SNX29: variants seen among roughly 807,000 people sequenced by gnomAD.
SNX29 encodes sorting nexin 29.
A neutral mutation model predicts 102.1 loss-of-function variants in SNX29; 78 were observed. That is an observed-to-expected ratio of 0.76 (90% CI 0.64 to 0.92). The LOEUF (loss-of-function observed/expected upper bound fraction) is 0.92, where lower values mean the gene tolerates loss of function less well. SNX29 is among the 40% of genes least tolerant of loss of function. The pLI is 0.00. For missense variants in SNX29, 1,280 were observed against 1,061.7 expected, an observed-to-expected ratio of 1.21 and a Z score of -2.86; for synonymous variants, 580 against 414.5, an observed-to-expected ratio of 1.40 and a Z score of -4.85.
chr16:12,371,203 A>G (rs778467796), intron 16 of SNX29, among the ~76,000 whole-genome samples: 2 of 152,158 alleles, frequency 1.3e-5, no homozygotes, highest in Non-Finnish European at 2.9e-5. Context: ...ATAAAGTTGG[A>G]AGAACTTCAA....
At chr16:12,349,700 G>A (rs2081940405) in intron 15 of SNX29, among the ~76,000 whole-genome samples, 1 of 152,260 alleles carries the variant, frequency 6.6e-6, no homozygotes, top group Admixed American at 6.5e-5. Context: ...AGAATGACAG[G>A]CGTTGATAGC....
intron 11 of SNX29, among the ~76,000 whole-genome samples, chr16:12,082,842 T>C (rs1296425030): frequency 6.6e-6 from 1 of 152,080 alleles, no homozygotes; most frequent in Non-Finnish European, 1.5e-5. Context: ...TCAGGAATCC[T>C]AGAAATTTTG....
In SNX29 at chr16:12,050,411, GT is replaced by G. The variant is rs547698841; in HGVS notation, c.749-1435del. On this transcript the variant is annotated intron_variant, in intron 7 of 20. Coordinates refer to ENST00000566228, the MANE Select transcript of SNX29 (RefSeq NM_032167.5). ...GCTATATAACAAGTGATTTAAAAAT[GT>G]AGCGGCTTAAAACCACTGCAGTTCG... Among the ~76,000 whole-genome samples, 97 of 152,328 alleles carry G rather than the reference GT, an allele frequency of 6.4e-4. 1 individual carries two copies. The highest frequency in any genetic ancestry group is 1.1e-3 in the Non-Finnish European group (72 of 68,022).
chr16:12,010,160 C>T (rs958085128), intron 3 of SNX29, among the ~76,000 whole-genome samples: 1 of 152,172 alleles, frequency 6.6e-6, no homozygotes, highest in Non-Finnish European at 1.5e-5. Flanking sequence ...AAAACATTGC[C>T]TGGCAGGTAG....
At chr16:12,111,961 G>A (rs912883351) in intron 11 of SNX29, among the ~76,000 whole-genome samples, 1 of 152,148 alleles carries the variant, frequency 6.6e-6, no homozygotes, top group African/African-American at 2.4e-5. Context: ...CTTCATTCCG[G>A]AGCAGGGCGT....
chr16:12,135,849 C>T (rs779365029), intron 13 of SNX29: 11 of 344,020 alleles, frequency 3.2e-5, no homozygotes, highest in Non-Finnish European at 2.2e-5. Context: ...CCTAAGTAGA[C>T]ATGTCATCTC....
intron 20 of SNX29, among the ~76,000 whole-genome samples, chr16:12,542,010 C>T (rs2077363817): frequency 6.6e-6 from 1 of 152,204 alleles, no homozygotes; most frequent in African/African-American, 2.4e-5. Context: ...CTCACGTTTG[C>T]AGCACCGCTC....
chr16:12,479,461 G>A (rs370809832), intron 19 of SNX29, among the ~76,000 whole-genome samples: 1 of 152,126 alleles, frequency 6.6e-6, no homozygotes, highest in Admixed American at 6.5e-5. Flanking sequence ...ATCACGCCAA[G>A]GTCTGCTCGA....
chr16:12,530,553 T>G lies in SNX29; in HGVS notation c.2318+5712T>G, dbSNP rs568497037. Among the ~76,000 whole-genome samples, 85 of 151,394 alleles carry G rather than the reference T, an allele frequency of 5.6e-4. 1 individual carries two copies. The South Asian group carries it at 0.016, about 28-fold the overall frequency. On this transcript the variant is annotated intron_variant, in intron 20 of 20. Transcript: ENST00000566228. Reference sequence around the variant, plus strand: ...GAAATTTGCCTTCGTTTTTTTTTTTTGTTTTTTGTTTTTTTTGGTGGGGAA... The same window carrying G: ...GAAATTTGCCTTCGTTTTTTTTTTTGGTTTTTTGTTTTTTTTGGTGGGGAA...
At chr16:12,105,695 G>A (rs1398354234) in intron 11 of SNX29, among the ~76,000 whole-genome samples, 1 of 152,188 alleles carries the variant, frequency 6.6e-6, no homozygotes, top group African/African-American at 2.4e-5. Context: ...ACAATGCTGT[G>A]TTTCCAGGGT....
intron 18 of SNX29, among the ~76,000 whole-genome samples, chr16:12,456,506 CGT>C (rs3072479): frequency 0.018 from 2,733 of 148,282 alleles, 68 homozygotes; most frequent in African/African-American, 0.056. Context: ...CATGTGTGCA[CGT>C]GTGTGTGTGT....
At chr16:12,127,231 C>G (rs2054252700) in intron 12 of SNX29, among the ~76,000 whole-genome samples, 2 of 150,182 alleles carry the variant, frequency 1.3e-5, no homozygotes, top group Non-Finnish European at 3.0e-5. Context: ...TGCACTCCAG[C>G]CTGGGTGACA....
intron 11 of SNX29, among the ~76,000 whole-genome samples, chr16:12,099,063 A>G (rs552127089): frequency 3.9e-4 from 59 of 152,346 alleles, no homozygotes; most frequent in African/African-American, 1.3e-3. Flanking sequence ...GCTCCCCTCC[A>G]GCACAGAGCA....
chr16:12,192,667 G>A (rs183591134), intron 13 of SNX29, among the ~76,000 whole-genome samples: 135 of 151,944 alleles, frequency 8.9e-4, no homozygotes, highest in African/African-American at 3.1e-3. Context: ...ACATGTCACC[G>A]TGTCCAGCTA....
At chr16:12,102,562 C>T (rs949602707) in intron 11 of SNX29, among the ~76,000 whole-genome samples, 1 of 152,122 alleles carries the variant, frequency 6.6e-6, no homozygotes, top group African/African-American at 2.4e-5. Flanking sequence ...ACATAAATGT[C>T]TTCTTTGGAG....
In SNX29 at chr16:12,502,913, C is replaced by A. The variant is rs559452425; in HGVS notation, c.2179-21789C>A. Among the ~76,000 whole-genome samples the A allele has an allele frequency of 2.6e-4, 40 of 152,338 alleles. No individual in the cohort carries two copies. The South Asian group carries it at 7.9e-3, about 30-fold the overall frequency. On this transcript the variant is annotated intron_variant, in intron 19 of 20. Coordinates refer to ENST00000566228, the MANE Select transcript of SNX29 (RefSeq NM_032167.5). ...GGAGCGATTAGAGCTGCCAGTAGATCTTGTTATTGAATGTGCCTGCAAAGA... is the reference window on the plus strand; with the variant it reads ...GGAGCGATTAGAGCTGCCAGTAGATATTGTTATTGAATGTGCCTGCAAAGA...
chr16:12,253,234 T>A (rs970124366), intron 14 of SNX29, among the ~76,000 whole-genome samples: 5 of 152,292 alleles, frequency 3.3e-5, no homozygotes, highest in African/African-American at 9.6e-5. Context: ...TTGATGTAGA[T>A]CTTTCATTCA....
chr16:12,407,327 TG>T (rs111570451), intron 18 of SNX29, among the ~76,000 whole-genome samples: 2,983 of 105,554 alleles, frequency 0.028, 68 homozygotes, highest in African/African-American at 0.073. Flanking sequence ...TTAATTAGAT[TG>T]TTTTTTTTTT....
chr16:12,558,033 G>A (rs1168605745), intron 20 of SNX29, among the ~76,000 whole-genome samples: 3 of 152,182 alleles, frequency 2.0e-5, no homozygotes, highest in Admixed American at 6.5e-5. Context: ...GCACTGTGAG[G>A]TAATTGGCCG....
Sources: allele counts gnomAD v4.1 joint callset (sites outside exome capture counted in the v4.1 genomes callset), GRCh38; gene constraint gnomAD v4.1.1; transcripts MANE v1.5; gene names NCBI Gene and HGNC (gene_info 2026-07-23, HGNC 2026-07-21).